Variants in OCIAD1 observed in about 807,000 individuals in gnomAD.
The protein encoded by OCIAD1 is OCIA domain containing 1.
OCIAD1 carries 29 observed loss-of-function variants against 38.9 expected under a neutral mutation model. That is an observed-to-expected ratio of 0.74 (90% CI 0.55 to 1.02). The LOEUF is 1.02. Ranked by LOEUF, OCIAD1 falls within the 50% of genes least tolerant of loss-of-function variation. The pLI is 0.00. For missense variants in OCIAD1, 288 were observed against 289.6 expected (o/e 0.99, Z 0.04); for synonymous variants, 110 against 92.0 (o/e 1.20, Z -1.12).
At position 48,851,865 on chromosome 4, in the gene OCIAD1, C is replaced by T. The variant is rs752610172; in HGVS notation, c.437C>T (p.Thr146Ile). 1 of 1,613,558 alleles carries T rather than the reference C, an allele frequency of 6.2e-7. No homozygotes were observed. The highest frequency in any genetic ancestry group is 1.7e-5 in the Admixed American group (1 of 59,986). Reference sequence around the variant, plus strand: ...GTGAGTGGTCAATCATCTTTTGTGACATCCCCAGCAGCAGACAACATAGAA... The same window carrying T: ...GTGAGTGGTCAATCATCTTTTGTGATATCCCCAGCAGCAGACAACATAGAA... Reference protein sequence around the residue: ...SSVSGQSSFVTSPAADNIEML... With the variant: ...SSVSGQSSFVISPAADNIEML... Residue 146 changes from threonine (T) to isoleucine (I), a missense_variant, in exon 7 of 9, where the codon ACA becomes ATA. By Grantham distance (89) the Thr-to-Ile change is moderately conservative (BLOSUM62 -1). Coordinates refer to ENST00000264312, the MANE Select transcript of OCIAD1 (RefSeq NM_017830.4).
chr4:48,812,295 A>G (rs1372741892), intron 1 of OCIAD1, among the ~76,000 whole-genome samples: 1 of 140,976 alleles, frequency 7.1e-6, no homozygotes, highest in Non-Finnish European at 1.6e-5. Flanking sequence ...AAAAAAAAAA[A>G]AAAAAAAAAA....
At chr4:48,817,159 C>T (rs894024591) in intron 1 of OCIAD1, among the ~76,000 whole-genome samples, 20 of 152,182 alleles carry the variant, frequency 1.3e-4, no homozygotes, top group African/African-American at 4.8e-4. Flanking sequence ...CAGTGTGGGG[C>T]GTTGCTTCAC....
intron 4 of OCIAD1, among the ~76,000 whole-genome samples, chr4:48,844,027 G>C (rs1175473759): frequency 6.6e-6 from 1 of 152,154 alleles, no homozygotes; most frequent in African/African-American, 2.4e-5. Flanking sequence ...GGTGTTCAAA[G>C]AAGAAAGATC....
At chr4:48,838,634 G>C (rs1345834524) in intron 3 of OCIAD1, among the ~76,000 whole-genome samples, 1 of 152,184 alleles carries the variant, frequency 6.6e-6, no homozygotes, top group East Asian at 1.9e-4. Context: ...TGCTGTATGT[G>C]ACATTTATGT....
intron 7 of OCIAD1, 70 bp downstream of exon 7, chr4:48,852,045 C>A: frequency 1.8e-6 from 2 of 1,135,198 alleles, no homozygotes; most frequent in Non-Finnish European, 2.5e-6. Context: ...TATTTGATGA[C>A]CTTTTCTGCT....
At chr4:48,813,583 G>A (rs911502473) in intron 1 of OCIAD1, among the ~76,000 whole-genome samples, 1 of 152,250 alleles carries the variant, frequency 6.6e-6, no homozygotes, top group Non-Finnish European at 1.5e-5. Flanking sequence ...GAGCCGGGGA[G>A]GTGGAGGTTG....
chr4:48,835,679 C>T (rs1172460368), intron 3 of OCIAD1, among the ~76,000 whole-genome samples: 1 of 152,106 alleles, frequency 6.6e-6, no homozygotes, highest in African/African-American at 2.4e-5. Flanking sequence ...AAGCGATCTG[C>T]CTGCCTTGGC....
rs1778645683 is a variant in OCIAD1, at chr4:48,842,688, A to G, written c.192A>G (p.Lys64=). The change falls in exon 4 of 9, where the codon AAA becomes AAG. Residue 64 remains lysine (K), a splice_region_variant and synonymous_variant. Transcript: ENST00000264312. ...TGATTACTCAAGGATTAATTAGTAA[A>G]GGTAAATATTTAAAATTTGAATTTA... ...SMLITQGLIS[K]GILSSHPKYG... The G allele has an allele frequency of 8.0e-6, 12 of 1,506,800 alleles. No homozygotes were observed. The highest frequency in any genetic ancestry group is 2.3e-5 in the East Asian group (1 of 42,740). 93.3% of individuals were successfully genotyped at this position (1,506,800 alleles called of 1,614,324 possible).
intron 7 of OCIAD1, among the ~76,000 whole-genome samples, chr4:48,855,035 C>T (rs1202614075): frequency 6.6e-6 from 1 of 152,174 alleles, no homozygotes; most frequent in Non-Finnish European, 1.5e-5. Flanking sequence ...GAAATTCTCC[C>T]CAGTCTTCTT....
At chr4:48,851,689 A>C in intron 6 of OCIAD1, 117 bp from the exon 7 acceptor site, 1 of 497,646 alleles carries the variant, frequency 2.0e-6, no homozygotes, top group East Asian at 3.3e-5. Context: ...AAAATAAAAA[A>C]AATTATATGT....
intron 3 of OCIAD1, among the ~76,000 whole-genome samples, chr4:48,837,642 CT>C (rs576203754): frequency 0.047 from 4,544 of 97,652 alleles, 170 homozygotes; most frequent in African/African-American, 0.13. Context: ...AGCAACAGTT[CT>C]TTTTTTTTTT....
rs781411074 is a variant in OCIAD1, at chr4:48,833,490, A to C, written c.139+9A>C. ...AAGCTTCTGGTTCAGATGTGAGTTC[A>C]ATTTTCTAATTAATATAATTTGATC... On this transcript the variant is annotated intron_variant, in intron 3 of 8. Transcript: ENST00000264312. 2.7e-6 allele frequency: 4 copies of C among 1,502,662 alleles called. No individual in the cohort carries two copies. The highest frequency in any genetic ancestry group is 1.8e-6 in the Non-Finnish European group (2 of 1,092,744). 93.1% of individuals were successfully genotyped at this position (1,502,662 alleles called of 1,614,324 possible). A position where few individuals can be genotyped will look rare whatever the true frequency, so the allele number is the denominator to read the frequency against.
chr4:48,853,516 G>T (rs1441997624), intron 7 of OCIAD1, among the ~76,000 whole-genome samples: 1 of 152,094 alleles, frequency 6.6e-6, no homozygotes, highest in African/African-American at 2.4e-5. Flanking sequence ...AATTTTAAAA[G>T]ATTAGAGGGA....
intron 3 of OCIAD1, among the ~76,000 whole-genome samples, chr4:48,837,836 G>T (rs1294158019): frequency 1.3e-5 from 2 of 152,132 alleles, no homozygotes; most frequent in Non-Finnish European, 2.9e-5. Flanking sequence ...GCTGATAAAT[G>T]TATGCTGCTG....
chr4:48,844,431 T>C (rs1778805212), intron 4 of OCIAD1, among the ~76,000 whole-genome samples: 1 of 151,940 alleles, frequency 6.6e-6, no homozygotes, highest in African/African-American at 2.4e-5. Flanking sequence ...CTGGCCAACA[T>C]GATAAAACCC....
Position 48,831,263 on chromosome 4 carries a change from C to CG in OCIAD1, c.-6+15dup. The CG allele has an allele frequency of 2.9e-6, 1 of 345,024 alleles. No individual in the cohort carries two copies. Among genetic ancestry groups the CG allele is most frequent in the Non-Finnish European group, 5.8e-6 (1 of 172,422 alleles). The allele number at this position is 345,024 out of a possible 1,614,324, so 21.4% of individuals were successfully genotyped here. A position where few individuals can be genotyped will look rare whatever the true frequency, so the allele number is the denominator to read the frequency against. ...TGTCGTCGGGAGGTGGGTGAGGTGACGCAAACAGCCCCGTTGTTGCCCTCC... is the reference window on the plus strand; with the variant it reads ...TGTCGTCGGGAGGTGGGTGAGGTGACGGCAAACAGCCCCGTTGTTGCCCTCC... On this transcript the variant is annotated intron_variant, in intron 1 of 8. Coordinates refer to ENST00000264312, the MANE Select transcript of OCIAD1 (RefSeq NM_017830.4).
chr4:48,828,740 T>C (rs994530046), upstream of OCIAD1, among the ~76,000 whole-genome samples: 1 of 152,148 alleles, frequency 6.6e-6, no homozygotes, highest in African/African-American at 2.4e-5. Flanking sequence ...CCAGAAGGAA[T>C]AAACTCCGAG....
At position 48,831,112 on chromosome 4, in the gene OCIAD1, G is replaced by A. The variant is rs1290938758; in HGVS notation, c.-143G>A. The A allele has an allele frequency of 3.8e-6, 1 of 265,794 alleles. No individual in the cohort carries two copies. The highest frequency in any genetic ancestry group is 9.5e-5 in the East Asian group (1 of 10,492). 16.5% of individuals were successfully genotyped at this position (265,794 alleles called of 1,614,324 possible). A position where few individuals can be genotyped will look rare whatever the true frequency, so the allele number is the denominator to read the frequency against. On this transcript the variant is annotated 5_prime_UTR_variant, in exon 1 of 9. Coordinates refer to ENST00000264312, the MANE Select transcript of OCIAD1 (RefSeq NM_017830.4). ...TGAGCCCCTGTCTGGATGACTTCTT[G>A]CGGCTGTTCTACCCCTCCCCCTCCC...
upstream of OCIAD1, among the ~76,000 whole-genome samples, chr4:48,828,846 G>C (rs932749038): frequency 5.3e-5 from 8 of 152,220 alleles, no homozygotes; most frequent in African/African-American, 1.9e-4. Context: ...CTTGAAGTCA[G>C]TGAGACCAAG....
Sources: allele counts gnomAD v4.1 joint callset (sites outside exome capture counted in the v4.1 genomes callset), GRCh38; gene constraint gnomAD v4.1.1; transcripts MANE v1.5; gene names NCBI Gene and HGNC (gene_info 2026-07-23, HGNC 2026-07-21).